DBH: variants seen among roughly 807,000 people sequenced by gnomAD.
The protein encoded by DBH is dopamine beta-hydroxylase, also known as dopamine beta-hydroxylase (dopamine beta-monooxygenase).
Under a neutral mutation model 64.0 loss-of-function variants are expected in DBH, and 49 were observed. That is an observed-to-expected ratio of 0.77 (90% CI 0.61 to 0.97). DBH has a LOEUF of 0.97. Ranked by LOEUF, DBH falls within the 50% of genes least tolerant of loss-of-function variation. The pLI is 0.00. For synonymous variants in DBH, 343 were observed against 347.1 expected (o/e 0.99, Z 0.13); for missense variants, 828 against 826.6 (o/e 1.00, Z -0.02).
At chr9:133,656,272 G>A (rs538606687) in intron 9 of DBH, 15 of 496,290 alleles carry the variant, frequency 3.0e-5, no homozygotes, top group African/African-American at 1.9e-4. Context: ...CGCTTGTCCC[G>A]TTTCATTTTT....
chr9:133,652,200 T>C (rs1415761711), intron 7 of DBH, 46 bp from the exon 8 acceptor site: 3 of 1,611,878 alleles, frequency 1.9e-6, no homozygotes, highest in African/African-American at 1.3e-5. Context: ...GGTCTGCAGC[T>C]CTCTGAGGTC....
chr9:133,642,368 C>A lies in DBH; in HGVS notation c.648C>A (p.Val216=), dbSNP rs762536362. The change falls in exon 3 of 12, where the codon GTC becomes GTA. Residue 216 remains valine, a synonymous_variant. Transcript: ENST00000393056. ...ELPSDACTME[V]QAPNIQIPSQ... is the part of the protein sequence containing the mutation. ...CCTCAGACGCGTGCACCATGGAGGT[C>A]CAAGCTCCCAATATCCAGATCCCCA... is the stretch of plus-strand genomic sequence containing the variant. The A allele has an allele frequency of 6.2e-7, 1 of 1,614,136 alleles. No individual in the cohort carries two copies. The highest frequency in any genetic ancestry group is 1.7e-5 in the Admixed American group (1 of 60,020).
chr9:133,643,395 A>C lies in DBH; in HGVS notation c.745-18A>C. ...GTGGGCGGCCGGTTCCCGGGCTCAGAGGGCTGCCTCCTCACAGTACGAGCC... is the reference window on the plus strand; with the variant it reads ...GTGGGCGGCCGGTTCCCGGGCTCAGCGGGCTGCCTCCTCACAGTACGAGCC... On this transcript the variant is annotated intron_variant, in intron 3 of 11. Transcript: ENST00000393056. This position sits in a 1 kb window ranked among gnomAD's most constrained non-coding sequence, Gnocchi z 5.3. 6.2e-7 allele frequency: 1 copy of C among 1,613,354 alleles called. No individual in the cohort carries two copies. Among genetic ancestry groups the C allele is most frequent in the Non-Finnish European group, 8.5e-7 (1 of 1,179,904 alleles).
At chr9:133,646,128 A>AT (rs1311733973) in intron 5 of DBH, among the ~76,000 whole-genome samples, 1 of 151,588 alleles carries the variant, frequency 6.6e-6, no homozygotes, top group African/African-American at 2.4e-5. Flanking sequence ...TGGCCCATTA[A>AT]TTTTTTTCTT....
intron 6 of DBH, among the ~76,000 whole-genome samples, chr9:133,649,999 C>A (rs1476998298): frequency 6.6e-6 from 1 of 152,258 alleles, no homozygotes; most frequent in Non-Finnish European, 1.5e-5. Flanking sequence ...GTCTAGCTAT[C>A]CCAGTGAAAT....
At position 133,643,408 on chromosome 9, in the gene DBH, C is replaced by T; in HGVS notation, c.745-5C>T. 3.7e-6 allele frequency: 6 copies of T among 1,613,756 alleles called. No individual in the cohort carries two copies. Among genetic ancestry groups the T allele is most frequent in the South Asian group, 1.1e-5 (1 of 91,074 alleles). ...TCCCGGGCTCAGAGGGCTGCCTCCT[C>T]ACAGTACGAGCCCATCGTCACCAAG... On this transcript the variant is annotated splice_region_variant and splice_polypyrimidine_tract_variant and intron_variant, in intron 3 of 11. Coordinates refer to ENST00000393056, the MANE Select transcript of DBH (RefSeq NM_000787.4). The surrounding 1 kb of genome is among the most constrained non-coding windows in gnomAD (Gnocchi z 5.3).
intron 2 of DBH, among the ~76,000 whole-genome samples, chr9:133,640,967 T>C (rs1188465080): frequency 6.6e-6 from 1 of 152,178 alleles, no homozygotes; most frequent in Admixed American, 6.5e-5. Flanking sequence ...AGTTGCCTGG[T>C]TCCTGGCCCT....
At chr9:133,640,640 T>C (rs1418305571) in intron 2 of DBH, among the ~76,000 whole-genome samples, 1 of 152,244 alleles carries the variant, frequency 6.6e-6, no homozygotes, top group Admixed American at 6.5e-5. Flanking sequence ...AGCTTTTGTC[T>C]TGTGTAAGTA....
rs775682099 is a variant in DBH at position 133,643,521 on chromosome 9, T to C, written c.853T>C (p.Ser285Pro). Residue 285 changes from serine to proline, a missense_variant, in exon 4 of 12, where the codon TCC becomes CCC. Transcript: ENST00000393056. The surrounding 1 kb of genome is among the most constrained non-coding windows in gnomAD (Gnocchi z 5.3). ...SVPHFSGPCD[S>P]KMKPDRLNYC... is the part of the protein sequence containing the mutation. ...CCCCCACTTCAGCGGGCCCTGCGAC[T>C]CCAAGATGAAACCCGACCGCCTCAA... 1.2e-6 allele frequency: 2 copies of C among 1,611,854 alleles called. No individual in the cohort carries two copies. The highest frequency in any genetic ancestry group is 4.5e-5 in the East Asian group (2 of 44,726).
intron 5 of DBH, among the ~76,000 whole-genome samples, chr9:133,647,057 C>T (rs558710405): frequency 2.8e-4 from 43 of 152,180 alleles, no homozygotes; most frequent in African/African-American, 4.6e-4. Context: ...GCACACAGCA[C>T]GCTGTTGACC....
rs981179675 is a variant in DBH, at chr9:133,656,444, C to T, written c.1435-79C>T. On this transcript the variant is annotated intron_variant, in intron 9 of 11. Transcript: ENST00000393056. ...AACAGACGAGTGGACGCAGTGTACA[C>T]GTGGGTGCGGCGAAAGCTGCTGGAT... The T allele has an allele frequency of 3.9e-5, 62 of 1,596,820 alleles. No homozygotes were observed. The African/African-American group carries it at 4.6e-4, about 12-fold the overall frequency.
At chr9:133,646,622 C>A (rs1392235562) in intron 5 of DBH, among the ~76,000 whole-genome samples, 1 of 152,202 alleles carries the variant, frequency 6.6e-6, no homozygotes, top group African/African-American at 2.4e-5. Context: ...CTCCCAGGTT[C>A]AAGCGATTCT....
intron 9 of DBH, chr9:133,656,143 C>T: frequency 3.0e-6 from 1 of 338,122 alleles, no homozygotes; most frequent in South Asian, 2.5e-5. Context: ...CAGACAATGG[C>T]CGGGACGCTG....
At chr9:133,647,809 C>T (rs1048811647) in intron 5 of DBH, 37 bp from the exon 6 acceptor site, 1 of 1,613,586 alleles carries the variant, frequency 6.2e-7, no homozygotes, top group Non-Finnish European at 8.5e-7. Flanking sequence ...AGGGCCTCCA[C>T]TTACCGCTCA....
At chr9:133,642,986 A>G (rs1564209318) in intron 3 of DBH, among the ~76,000 whole-genome samples, 1 of 152,112 alleles carries the variant, frequency 6.6e-6, no homozygotes, top group Non-Finnish European at 1.5e-5. Context: ...GTCACATAGC[A>G]AGAAGGGGCA....
chr9:133,649,447 T>G (rs182405981), intron 6 of DBH, among the ~76,000 whole-genome samples: 14 of 152,358 alleles, frequency 9.2e-5, no homozygotes, highest in African/African-American at 3.4e-4. Context: ...TGTCTGACTT[T>G]GAAAGCTGTG....
chr9:133,646,157 CT>C (rs945548464), intron 5 of DBH, among the ~76,000 whole-genome samples: 52 of 151,686 alleles, frequency 3.4e-4, no homozygotes, highest in African/African-American at 1.1e-3. Context: ...AATTTTATAT[CT>C]TTTTTTTTCA....
At chr9:133,650,509 T>TTTCC (rs143162172) in intron 6 of DBH, among the ~76,000 whole-genome samples, 2 of 147,950 alleles carry the variant, frequency 1.4e-5, no homozygotes, top group African/African-American at 5.0e-5. Context: ...CCTTTCTTTC[T>TTTCC]TTCCTTCCTT....
At position 133,642,438 on chromosome 9, in the gene DBH, G is replaced by A. The variant is rs755084550; in HGVS notation, c.718G>A (p.Gly240Ser). ...GTGCTACATTAAGGAGCTTCCAAAG[G>A]GCTTCTCTCGGCACCACATTATCAA... Reference protein sequence around the residue: ...YWCYIKELPKGFSRHHIIKYE... With the variant: ...YWCYIKELPKSFSRHHIIKYE... Residue 240 changes from glycine to serine, a missense_variant, in exon 3 of 12, where the codon GGC becomes AGC. Transcript: ENST00000393056. 2.5e-6 allele frequency: 4 copies of A among 1,611,980 alleles called. No individual in the cohort carries two copies. The Admixed American group carries it at 6.7e-5, about 27-fold the overall frequency.
Sources: gnomAD v4.1 joint callset for allele counts (sites outside exome capture counted in the v4.1 genomes callset) on GRCh38, gnomAD v4.1.1 for gene constraint, Gnocchi (gnomAD v3.1) non-coding constraint, MANE v1.5 for transcripts, NCBI Gene and HGNC (gene_info 2026-07-23, HGNC 2026-07-21) for gene names.